Variants in IL4I1 observed in about 807,000 individuals in gnomAD.
IL4I1 encodes the protein interleukin 4 induced 1.
Under a neutral mutation model 29.7 loss-of-function variants are expected in IL4I1, and 24 were observed. That is an observed-to-expected ratio of 0.81 (90% CI 0.59 to 1.14). The LOEUF (loss-of-function observed/expected upper bound fraction) is 1.14, where lower values mean the gene tolerates loss of function less well. Among genes scored for constraint, IL4I1 ranks in the 50% most tolerant of loss-of-function variants. The pLI is 0.00. For synonymous variants in IL4I1, 371 were observed against 352.5 expected (o/e 1.05, Z -0.59); for missense variants, 686 against 785.6 (o/e 0.87, Z 1.52).
chr19:49,895,012 T>C, intron 4 of IL4I1, 56 bp downstream of exon 4: 1 of 1,362,026 alleles, frequency 7.3e-7, no homozygotes, highest in Non-Finnish European at 1.0e-6. Context: ...GGTGTGGGCA[T>C]GGAGCTGGGG....
chr19:49,914,726 GTTTT>G (rs530372497), intron 2 of IL4I1, among the ~76,000 whole-genome samples: 6 of 56,404 alleles, frequency 1.1e-4, no homozygotes, highest in Non-Finnish European at 9.6e-5. Context: ...CCAAGTCCCA[GTTTT>G]TTTTTTTTTT....
chr19:49,892,022 A>G (rs1364741026), intron 5 of IL4I1, among the ~76,000 whole-genome samples: 2 of 150,582 alleles, frequency 1.3e-5, no homozygotes, highest in Admixed American at 1.3e-4. Context: ...GCCTGGAGCC[A>G]CAGAATTCTT....
intron 2 of IL4I1, chr19:49,908,491 G>C: frequency 6.2e-7 from 1 of 1,614,162 alleles, no homozygotes; most frequent in Non-Finnish European, 8.5e-7. Flanking sequence ...GTGCATCGAT[G>C]TTCTCAGCCA....
At chr19:49,917,050 G>T (rs1304591208) in intron 2 of IL4I1, among the ~76,000 whole-genome samples, 1 of 152,256 alleles carries the variant, frequency 6.6e-6, no homozygotes, top group Non-Finnish European at 1.5e-5. Flanking sequence ...CTGTCTCCGT[G>T]GGACCTCCCC....
chr19:49,895,193 G>C lies in IL4I1; in HGVS notation c.253-13C>G. The C allele has an allele frequency of 6.2e-7, 1 of 1,607,692 alleles. No individual in the cohort carries two copies. The highest frequency in any genetic ancestry group is 8.5e-7 in the Non-Finnish European group (1 of 1,174,622). On this transcript the variant is annotated splice_polypyrimidine_tract_variant and intron_variant, in intron 3 of 7. Coordinates refer to ENST00000391826, the MANE Select transcript of IL4I1 (RefSeq NM_152899.2). ...CCAGGATGGTGACCTGAGGGAGTCC[G>C]TGGGGCGAGGAGGGCCCTTCAGCTC... is the stretch of plus-strand genomic sequence containing the variant.
chr19:49,891,318 C>T (rs2075135720), intron 6 of IL4I1, 87 bp downstream of exon 6: 3 of 1,494,542 alleles, frequency 2.0e-6, no homozygotes, highest in African/African-American at 1.4e-5. Context: ...ACTAGGGTGC[C>T]AGGTACCCGC....
chr19:49,897,782 C>T (rs560217963), upstream of IL4I1, among the ~76,000 whole-genome samples: 8 of 147,984 alleles, frequency 5.4e-5, 1 homozygote, highest in East Asian at 4.0e-4. Flanking sequence ...CCAGGGGCTC[C>T]GTGAGGAGGA....
In IL4I1 at chr19:49,891,673, AT is replaced by A. The variant is rs1347253048; in HGVS notation, c.568-201del. Among the ~76,000 whole-genome samples, 3 of 152,212 alleles carry A rather than the reference AT, an allele frequency of 2.0e-5. No individual in the cohort carries two copies. In the East Asian group the frequency reaches 5.8e-4, roughly 29 times the overall value. On this transcript the variant is annotated intron_variant, in intron 5 of 7. Coordinates refer to ENST00000391826, the MANE Select transcript of IL4I1 (RefSeq NM_152899.2). ...ACTCAGATGCCACTGCTCCTCCGAT[AT>A]TACCGAACTGTTAACGCCGCCCATC...
At chr19:49,914,929 G>T (rs1304923173) in intron 2 of IL4I1, among the ~76,000 whole-genome samples, 2 of 151,324 alleles carry the variant, frequency 1.3e-5, no homozygotes, top group Non-Finnish European at 2.9e-5. Context: ...TAGTAGAGAC[G>T]GGGTTTCACC....
chr19:49,928,148 G>A (rs1287316436), intron 1 of IL4I1: 1 of 152,302 alleles, frequency 6.6e-6, no homozygotes, highest in East Asian at 1.9e-4. Flanking sequence ...GACAGCAGGT[G>A]TTGGACAGTC....
intron 2 of IL4I1, among the ~76,000 whole-genome samples, chr19:49,923,139 G>T (rs769567334): frequency 6.6e-6 from 1 of 152,174 alleles, no homozygotes; most frequent in Admixed American, 6.6e-5. Context: ...ACAAGGGAGG[G>T]AAGGGGCTCT....
intron 2 of IL4I1, chr19:49,906,753 CAG>C (rs976668051): frequency 5.3e-5 from 8 of 152,366 alleles, no homozygotes; most frequent in African/African-American, 1.4e-4. Flanking sequence ...GGCACCCCTG[CAG>C]AGTCTCCTGG....
chr19:49,890,933 C>CCA, intron 7 of IL4I1, 38 bp downstream of exon 7: 1 of 400,588 alleles, frequency 2.5e-6, no homozygotes, highest in South Asian at 3.4e-5. Context: ...CTGATTGCCC[C>CCA]CCGCCCCCCC....
intron 2 of IL4I1, chr19:49,908,203 T>TCCCTAGGGA: frequency 6.2e-7 from 1 of 1,607,906 alleles, no homozygotes; most frequent in African/African-American, 1.3e-5. Flanking sequence ...CCTCATGAAC[T>TCCCTAGGGA]CCCTAGGGAC....
At chr19:49,928,071 C>T (rs1193616555) in intron 1 of IL4I1, 1 of 152,232 alleles carries the variant, frequency 6.6e-6, no homozygotes, top group African/African-American at 2.4e-5. Context: ...GGGCACCCAT[C>T]ATTTGGAATG....
At chr19:49,926,295 C>T (rs2075887247) in intron 2 of IL4I1, among the ~76,000 whole-genome samples, 1 of 150,858 alleles carries the variant, frequency 6.6e-6, no homozygotes, top group South Asian at 2.1e-4. Flanking sequence ...TTTGGGAGGC[C>T]GAGGTGGGTG....
At chr19:49,907,803 T>C in intron 2 of IL4I1, 1 of 336,958 alleles carries the variant, frequency 3.0e-6, no homozygotes, top group Non-Finnish European at 5.7e-6. Flanking sequence ...CCCAAAGTGC[T>C]GAGATTACAG....
chr19:49,895,887 C>T lies in IL4I1; in HGVS notation c.180G>A (p.Gln60=), dbSNP rs1319999082. The part of the protein sequence containing the change: ...TWGLNRTLKP[Q]RVIVVGAGVA... ...CACCAGCGCCAACCACAATCACCCT[C>T]TGGGGCTTCAGGGTCCGATTGAGCC... The change falls in exon 3 of 8, where the codon CAG becomes CAA. Residue 60 remains glutamine (Q), a synonymous_variant. Transcript: ENST00000391826. 1 of 1,614,232 alleles carries T rather than the reference C, an allele frequency of 6.2e-7. No individual in the cohort carries two copies. The highest frequency in any genetic ancestry group is 1.1e-5 in the South Asian group (1 of 91,088).
chr19:49,901,866 A>C, upstream of IL4I1: 2 of 493,712 alleles, frequency 4.1e-6, no homozygotes, highest in Non-Finnish European at 7.1e-6. Context: ...TTTATTATGG[A>C]AACTTTCAAA....
Sources: gnomAD v4.1 joint callset for allele counts (sites outside exome capture counted in the v4.1 genomes callset) on GRCh38, gnomAD v4.1.1 for gene constraint, MANE v1.5 for transcripts, NCBI Gene and HGNC (gene_info 2026-07-23, HGNC 2026-07-21) for gene names.